The following EXT1 variants were observed in gnomAD, a reference collection of about 807,000 sequenced individuals.
The protein encoded by EXT1 is exostosin glycosyltransferase 1.
In EXT1, 20 loss-of-function variants were observed where a neutral mutation model predicts 82.5. That is an observed-to-expected ratio of 0.24 (90% CI 0.17 to 0.35). EXT1 has a LOEUF of 0.35. EXT1 is among the 10% of genes least tolerant of loss of function. The pLI, the probability that EXT1 is intolerant of heterozygous loss-of-function variation, is 1.00. For synonymous variants in EXT1, 348 were observed against 350.8 expected (o/e 0.99, Z 0.09); for missense variants, 757 against 936.5 (o/e 0.81, Z 2.50).
rs1225341653 is a variant in EXT1, at chr8:117,794,589, G to A, written c.*5123C>T. 6.6e-6 allele frequency: 1 copy of A among 151,866 alleles called. No homozygotes were observed. The highest frequency in any genetic ancestry group is 1.5e-5 in the Non-Finnish European group (1 of 67,994). 9.4% of individuals were successfully genotyped at this position (151,866 alleles called of 1,614,324 possible). On this transcript the variant is annotated 3_prime_UTR_variant, in exon 11 of 11. Coordinates refer to ENST00000378204, the MANE Select transcript of EXT1 (RefSeq NM_000127.3). ...CACTCTCTATAAAACAATCTATCTT[G>A]GATGGCGAAACCCAGACATAAAGTT...
chr8:118,025,256 C>A (rs1816181820), intron 1 of EXT1, among the ~76,000 whole-genome samples: 1 of 152,184 alleles, frequency 6.6e-6, no homozygotes, highest in Admixed American at 6.5e-5. Context: ...CAGATCCACT[C>A]CTGGCTCACC....
intron 1 of EXT1, among the ~76,000 whole-genome samples, chr8:118,063,211 A>C (rs1482476818): frequency 6.6e-6 from 1 of 152,210 alleles, no homozygotes; most frequent in Non-Finnish European, 1.5e-5. Context: ...TAGTAAAAAA[A>C]AAATTCAAGT....
intron 1 of EXT1, among the ~76,000 whole-genome samples, chr8:118,019,510 G>A (rs767472843): frequency 3.3e-5 from 5 of 152,178 alleles, no homozygotes; most frequent in African/African-American, 7.2e-5. Flanking sequence ...AGAACCACAA[G>A]GTAAATGGTG....
At chr8:118,058,934 T>G (rs1397764504) in intron 1 of EXT1, among the ~76,000 whole-genome samples, 1 of 152,170 alleles carries the variant, frequency 6.6e-6, no homozygotes, top group Admixed American at 6.5e-5. Context: ...ACCTCCAAAA[T>G]TTCTCTTGTT....
At chr8:118,109,425 AAATGAATGAATG>A (rs1160234623) in intron 1 of EXT1, among the ~76,000 whole-genome samples, 79 of 119,222 alleles carry the variant, frequency 6.6e-4, no homozygotes, top group South Asian at 2.9e-3. Context: ...ATGAATTAAT[AAATGAATGAATG>A]AATGAATGCA....
intron 1 of EXT1, among the ~76,000 whole-genome samples, chr8:118,038,296 A>G (rs577064572): frequency 6.6e-6 from 1 of 152,344 alleles, no homozygotes; most frequent in Admixed American, 6.5e-5. Context: ...TAAAATAACA[A>G]CTAACACTGG....
chr8:118,000,763 G>C (rs1209100145), intron 1 of EXT1, among the ~76,000 whole-genome samples: 3 of 152,024 alleles, frequency 2.0e-5, no homozygotes, highest in Non-Finnish European at 4.4e-5. Flanking sequence ...TAGAGCACCT[G>C]GCAAATCATC....
intron 1 of EXT1, among the ~76,000 whole-genome samples, chr8:118,095,408 A>G (rs139092659): frequency 6.2e-4 from 95 of 152,300 alleles, no homozygotes; most frequent in African/African-American, 2.2e-3. Flanking sequence ...AATATTATAC[A>G]TTTCCACTCT....
At chr8:118,032,508 C>CTTTT (rs1207517029) in intron 1 of EXT1, among the ~76,000 whole-genome samples, 2 of 133,144 alleles carry the variant, frequency 1.5e-5, no homozygotes, top group African/African-American at 2.8e-5. Context: ...AGGGTAACAA[C>CTTTT]TTTTTTTTTT....
chr8:118,044,233 T>G (rs1056788767), intron 1 of EXT1, among the ~76,000 whole-genome samples: 7 of 152,216 alleles, frequency 4.6e-5, no homozygotes, highest in Admixed American at 6.5e-5. Context: ...CACAAACTTG[T>G]TCTTCTATGA....
chr8:117,880,927 G>A (rs1179449750), intron 1 of EXT1, among the ~76,000 whole-genome samples: 6 of 151,990 alleles, frequency 3.9e-5, no homozygotes, highest in African/African-American at 1.4e-4. Context: ...TGTTTGTTGG[G>A]TTTATCGACC....
chr8:118,087,069 G>A (rs1294349115), intron 1 of EXT1, among the ~76,000 whole-genome samples: 1 of 152,172 alleles, frequency 6.6e-6, no homozygotes, highest in Non-Finnish European at 1.5e-5. Context: ...AACTTCAGAG[G>A]ATGAATTCGC....
intron 1 of EXT1, among the ~76,000 whole-genome samples, chr8:117,857,572 C>T (rs1162362310): frequency 1.3e-5 from 2 of 151,820 alleles, no homozygotes; most frequent in African/African-American, 4.8e-5. Flanking sequence ...TGGCAGCATG[C>T]CCCTGTAGTC....
At chr8:117,873,188 C>T (rs1050871615) in intron 1 of EXT1, among the ~76,000 whole-genome samples, 2 of 152,132 alleles carry the variant, frequency 1.3e-5, no homozygotes, top group Non-Finnish European at 2.9e-5. Context: ...CAGAAGCTGA[C>T]CATGTTGGCA....
At chr8:117,877,972 TTTAGAGA>T (rs1194797248) in intron 1 of EXT1, among the ~76,000 whole-genome samples, 1 of 152,202 alleles carries the variant, frequency 6.6e-6, no homozygotes, top group Non-Finnish European at 1.5e-5. Context: ...TGTCAATTTA[TTTAGAGA>T]AATAAATATT....
intron 1 of EXT1, among the ~76,000 whole-genome samples, chr8:118,017,669 C>T (rs149085516): frequency 1.3e-5 from 2 of 152,288 alleles, no homozygotes; most frequent in East Asian, 1.9e-4. Flanking sequence ...GTTATAACCC[C>T]AAAATGGCTT....
At chr8:117,926,185 G>A (rs1170106299) in intron 1 of EXT1, among the ~76,000 whole-genome samples, 2 of 152,208 alleles carry the variant, frequency 1.3e-5, no homozygotes, top group African/African-American at 4.8e-5. Flanking sequence ...CAATGCAAGT[G>A]TCATGGGGAA....
intron 1 of EXT1, among the ~76,000 whole-genome samples, chr8:118,062,038 C>T (rs1168536310): frequency 6.6e-6 from 1 of 152,050 alleles, no homozygotes; most frequent in Non-Finnish European, 1.5e-5. Flanking sequence ...AAATGGCTTG[C>T]AATGGTACAG....
Position 117,794,706 on chromosome 8 carries a change from T to C in EXT1, c.*5006A>G, listed in dbSNP as rs867614175. On this transcript the variant is annotated 3_prime_UTR_variant, in exon 11 of 11. Coordinates refer to ENST00000378204, the MANE Select transcript of EXT1 (RefSeq NM_000127.3). ...TACTTGAGGGCTTAATTACGCTAAG[T>C]CATTAATACTCTATAACAAATGGGA... is the stretch of plus-strand genomic sequence containing the variant. 2 of 152,154 alleles carry C rather than the reference T, an allele frequency of 1.3e-5. No homozygotes were observed. Among genetic ancestry groups the C allele is most frequent in the Admixed American group, 6.5e-5 (1 of 15,282 alleles). 9.4% of individuals were successfully genotyped at this position (152,154 alleles called of 1,614,324 possible). A position where few individuals can be genotyped will look rare whatever the true frequency, so the allele number is the denominator to read the frequency against.
Sources: gnomAD v4.1 joint callset for allele counts (sites outside exome capture counted in the v4.1 genomes callset) on GRCh38, gnomAD v4.1.1 for gene constraint, MANE v1.5 for transcripts, NCBI Gene and HGNC (gene_info 2026-07-23, HGNC 2026-07-21) for gene names.